CNBD1: variants seen among roughly 807,000 people sequenced by gnomAD.
CNBD1 encodes cyclic nucleotide-binding domain-containing protein 1.
Under a neutral mutation model 54.4 loss-of-function variants are expected in CNBD1, and 71 were observed. The observed-to-expected ratio is 1.30, with a 90% CI of 1.08 to 1.59. The LOEUF is 1.59. Ranked by LOEUF, CNBD1 falls within the 40% of genes most tolerant of loss-of-function variation. The pLI is 0.00. For synonymous variants in CNBD1, 182 were observed against 170.7 expected (o/e 1.07, Z -0.51); for missense variants, 659 against 518.0 (o/e 1.27, Z -2.64).
chr8:87,372,492 A>G (rs1375292803), intron 10 of CNBD1, among the ~76,000 whole-genome samples: 1 of 151,912 alleles, frequency 6.6e-6, no homozygotes, highest in Non-Finnish European at 1.5e-5. Flanking sequence ...AAATTTCTTC[A>G]GAAACTCTGG....
intron 4 of CNBD1, among the ~76,000 whole-genome samples, chr8:87,143,050 G>C (rs893940019): frequency 6.6e-6 from 1 of 152,058 alleles, no homozygotes; most frequent in Non-Finnish European, 1.5e-5. Context: ...AAGTCAAACC[G>C]TTTAATTACT....
intron 4 of CNBD1, among the ~76,000 whole-genome samples, chr8:87,014,693 G>A (rs1001472514): frequency 2.0e-5 from 3 of 151,722 alleles, no homozygotes; most frequent in African/African-American, 7.3e-5. Context: ...TGGGTAATTT[G>A]TAATTTAAAA....
At chr8:87,199,739 A>T (rs558547790) in intron 4 of CNBD1, among the ~76,000 whole-genome samples, 10 of 152,106 alleles carry the variant, frequency 6.6e-5, no homozygotes, top group Non-Finnish European at 1.2e-4. Context: ...GGTTTTACAC[A>T]CCAAATTGTC....
rs143992972 is a variant in CNBD1 at position 87,052,042 on chromosome 8, A to T, written c.431+112288A>T. Among the ~76,000 whole-genome samples the T allele has an allele frequency of 7.9e-5, 12 of 151,928 alleles. No homozygotes were observed. The East Asian group carries it at 2.1e-3, about 27-fold the overall frequency. Reference sequence around the variant, plus strand: ...GGTGGCTTCTTTTTGTTGCCTGGGCACTCCCTTTTGAAATGTCCTGGCTTA... The same window carrying T: ...GGTGGCTTCTTTTTGTTGCCTGGGCTCTCCCTTTTGAAATGTCCTGGCTTA... On this transcript the variant is annotated intron_variant, in intron 4 of 10. Transcript: ENST00000518476.
intron 4 of CNBD1, among the ~76,000 whole-genome samples, chr8:87,033,631 G>A (rs182238816): frequency 1.1e-4 from 16 of 152,234 alleles, no homozygotes; most frequent in Admixed American, 4.6e-4. Context: ...GTCTTAAATC[G>A]TGGTGCTCAT....
chr8:87,320,625 G>T (rs577032667), intron 8 of CNBD1, among the ~76,000 whole-genome samples: 6 of 147,444 alleles, frequency 4.1e-5, no homozygotes, highest in African/African-American at 7.6e-5. Flanking sequence ...TGTGTGGGGG[G>T]GCGGCTCAGG....
At chr8:86,893,253 A>G (rs1226940659) in intron 2 of CNBD1, among the ~76,000 whole-genome samples, 1 of 152,010 alleles carries the variant, frequency 6.6e-6, no homozygotes, top group African/African-American at 2.4e-5. Context: ...TAACGTGTAC[A>G]CTCTTATAGC....
chr8:86,997,259 C>T (rs1441241800), intron 4 of CNBD1, among the ~76,000 whole-genome samples: 2 of 152,110 alleles, frequency 1.3e-5, no homozygotes, highest in African/African-American at 4.8e-5. Context: ...CAGATTTAAG[C>T]AGAAAATTAT....
At chr8:87,231,180 A>T (rs1469176126) in intron 5 of CNBD1, among the ~76,000 whole-genome samples, 1 of 152,190 alleles carries the variant, frequency 6.6e-6, no homozygotes, top group African/African-American at 2.4e-5. Context: ...ACATGTATTC[A>T]TAGGCAGACA....
intron 4 of CNBD1, among the ~76,000 whole-genome samples, chr8:86,954,701 G>A (rs1807714937): frequency 6.6e-6 from 1 of 152,100 alleles, no homozygotes. Flanking sequence ...TTTTAATTTT[G>A]AAATACCTGG....
intron 5 of CNBD1, among the ~76,000 whole-genome samples, chr8:87,224,224 T>C (rs1433182706): frequency 1.3e-5 from 2 of 151,408 alleles, no homozygotes. Flanking sequence ...TTTCTTTTGC[T>C]GTGCAGAAGC....
Position 87,315,285 on chromosome 8 carries a change from A to G in CNBD1, c.1042+28614A>G, listed in dbSNP as rs537264967. 6.6e-4 allele frequency among the ~76,000 whole-genome samples: 100 copies of G among 152,252 alleles called. 1 individual carries two copies. Among genetic ancestry groups the G allele is most frequent in the Non-Finnish European group, 1.1e-3 (72 of 67,994 alleles). ...ATACAAGCTGTGATAACACTGCTATAAAAAATTGACAGATTTATTTTCTTA... is the reference window on the plus strand; with the variant it reads ...ATACAAGCTGTGATAACACTGCTATGAAAAATTGACAGATTTATTTTCTTA... On this transcript the variant is annotated intron_variant, in intron 8 of 10. Coordinates refer to ENST00000518476, the MANE Select transcript of CNBD1 (RefSeq NM_173538.3).
At chr8:87,161,315 T>C (rs1187029328) in intron 4 of CNBD1, among the ~76,000 whole-genome samples, 1 of 152,144 alleles carries the variant, frequency 6.6e-6, no homozygotes. Context: ...TTTAGTGGAA[T>C]GGCAAGAACT....
intron 4 of CNBD1, among the ~76,000 whole-genome samples, chr8:87,114,824 C>T (rs1451497120): frequency 1.3e-5 from 2 of 152,146 alleles, no homozygotes; most frequent in African/African-American, 4.8e-5. Flanking sequence ...TTTATAACTA[C>T]TACTTGTGTC....
chr8:86,982,937 T>G (rs563765348), intron 4 of CNBD1, among the ~76,000 whole-genome samples: 1 of 152,208 alleles, frequency 6.6e-6, no homozygotes, highest in Admixed American at 6.5e-5. Flanking sequence ...ATTTAGATAT[T>G]ATTTAATTTT....
rs570040083 is a variant in CNBD1, at chr8:87,226,811, C to T, written c.578-10108C>T. 1.6e-3 allele frequency among the ~76,000 whole-genome samples: 235 copies of T among 151,266 alleles called. 1 individual carries two copies. Among genetic ancestry groups the T allele is most frequent in the African/African-American group, 5.6e-3 (227 of 40,870 alleles). ...GGGTATCCTTGTTGACTTTCTGTCT[C>T]GTTGATCTGTCTAATGTTGACAGTG... On this transcript the variant is annotated intron_variant, in intron 5 of 10. Coordinates refer to ENST00000518476, the MANE Select transcript of CNBD1 (RefSeq NM_173538.3).
At chr8:86,867,790 G>C (rs1808385409) in intron 1 of CNBD1, among the ~76,000 whole-genome samples, 1 of 152,150 alleles carries the variant, frequency 6.6e-6, no homozygotes, top group African/African-American at 2.4e-5. Context: ...GGAGTTAAAA[G>C]ATCAAATTAA....
chr8:87,289,980 T>C (rs1364013233), intron 8 of CNBD1, among the ~76,000 whole-genome samples: 2 of 152,156 alleles, frequency 1.3e-5, no homozygotes, highest in Non-Finnish European at 2.9e-5. Flanking sequence ...GACAATATTT[T>C]CTAGTGTAGC....
intron 2 of CNBD1, among the ~76,000 whole-genome samples, chr8:87,388,756 C>T (rs909725211): frequency 6.6e-6 from 1 of 152,156 alleles, no homozygotes; most frequent in Non-Finnish European, 1.5e-5. Flanking sequence ...TTTTATGAGG[C>T]CTACATTATC....
Sources: allele counts gnomAD v4.1 joint callset (sites outside exome capture counted in the v4.1 genomes callset), GRCh38; gene constraint gnomAD v4.1.1; transcripts MANE v1.5; gene names NCBI Gene and HGNC (gene_info 2026-07-23, HGNC 2026-07-21).